Variants in CLASP2 observed in about 807,000 individuals in gnomAD.
CLASP2 encodes CLIP-associating protein 2.
CLASP2 carries 47 observed loss-of-function variants against 194.4 expected under a neutral mutation model. That is an observed-to-expected ratio of 0.24 (90% CI 0.19 to 0.31). CLASP2 has a LOEUF of 0.31. CLASP2 is among the 10% of genes least tolerant of loss of function. The probability of loss-of-function intolerance (pLI) is 1.00; values close to 1 mark genes in which losing one functional copy is unlikely to be tolerated. For missense variants in CLASP2, 1,445 were observed against 1,823.6 expected, an observed-to-expected ratio of 0.79 and a Z score of 3.78; for synonymous variants, 619 against 633.5, an observed-to-expected ratio of 0.98 and a Z score of 0.34.
chr3:33,600,971 T>A (rs1418299446), intron 18 of CLASP2, among the ~76,000 whole-genome samples: 2 of 147,308 alleles, frequency 1.4e-5, no homozygotes, highest in Non-Finnish European at 3.0e-5. Context: ...TTTTTTTTTT[T>A]TTTTTGAGGC....
At chr3:33,549,372 C>T (rs2059641363) in intron 30 of CLASP2, among the ~76,000 whole-genome samples, 1 of 152,164 alleles carries the variant, frequency 6.6e-6, no homozygotes, top group Admixed American at 6.5e-5. Context: ...ATAAATTTCC[C>T]TAGAAGCATT....
At chr3:33,607,198 T>C (rs933107398) in intron 15 of CLASP2, among the ~76,000 whole-genome samples, 186 bp downstream of exon 15, 2 of 152,224 alleles carry the variant, frequency 1.3e-5, no homozygotes, top group African/African-American at 2.4e-5. Flanking sequence ...GATGATTACA[T>C]GTCAGTGGCA....
At chr3:33,661,809 T>C (rs1398299291) in intron 7 of CLASP2, among the ~76,000 whole-genome samples, 2 of 152,136 alleles carry the variant, frequency 1.3e-5, no homozygotes, top group Non-Finnish European at 2.9e-5. Flanking sequence ...TTGAGTGGGG[T>C]TGGATCACTA....
At chr3:33,619,542 A>G in intron 12 of CLASP2, 61 bp downstream of exon 12, 4 of 1,433,778 alleles carry the variant, frequency 2.8e-6, no homozygotes, top group Non-Finnish European at 3.7e-6. Flanking sequence ...AAAAAGGGGG[A>G]GGAAGAAGAA....
intron 6 of CLASP2, among the ~76,000 whole-genome samples, chr3:33,669,113 G>A (rs1209450534): frequency 6.6e-6 from 1 of 152,146 alleles, no homozygotes; most frequent in Non-Finnish European, 1.5e-5. Flanking sequence ...TTTGAGCATA[G>A]ATGCAAAAAT....
chr3:33,501,233 G>T (rs1342877169), intron 38 of CLASP2, among the ~76,000 whole-genome samples: 1 of 152,010 alleles, frequency 6.6e-6, no homozygotes, highest in Non-Finnish European at 1.5e-5. Flanking sequence ...GTTCTTAAGG[G>T]GAAAAATTTT....
chr3:33,519,104 CATTAAT>C (rs1330921104), intron 34 of CLASP2, among the ~76,000 whole-genome samples: 1 of 152,134 alleles, frequency 6.6e-6, no homozygotes, highest in Non-Finnish European at 1.5e-5. Flanking sequence ...ACAGTAAGAT[CATTAAT>C]ATTAATTTTC....
At chr3:33,547,487 G>A (rs958819782) in intron 30 of CLASP2, among the ~76,000 whole-genome samples, 3 of 152,164 alleles carry the variant, frequency 2.0e-5, no homozygotes, top group African/African-American at 7.2e-5. Flanking sequence ...AACTAATACA[G>A]TCATGGTATA....
chr3:33,627,212 T>C (rs934406422), intron 9 of CLASP2, 132 bp from the exon 10 acceptor site: 26 of 680,098 alleles, frequency 3.8e-5, no homozygotes, highest in East Asian at 2.7e-4. Context: ...TAATGGAGAA[T>C]AGAAATACAT....
intron 34 of CLASP2, among the ~76,000 whole-genome samples, chr3:33,521,983 T>C (rs1046851646): frequency 6.7e-6 from 1 of 150,312 alleles, no homozygotes; most frequent in Non-Finnish European, 1.5e-5. Context: ...AAGAACCTTA[T>C]CCTGCGGATA....
intron 29 of CLASP2, among the ~76,000 whole-genome samples, chr3:33,552,228 C>T (rs1042918635): frequency 6.6e-6 from 1 of 151,450 alleles, no homozygotes; most frequent in Non-Finnish European, 1.5e-5. Context: ...AAACGGCTCT[C>T]CTGCCTCAGC....
At chr3:33,635,419 G>A (rs937115074) in intron 8 of CLASP2, among the ~76,000 whole-genome samples, 1 of 152,090 alleles carries the variant, frequency 6.6e-6, no homozygotes, top group Non-Finnish European at 1.5e-5. Context: ...CTTGTCAAGC[G>A]GATTCTAAAA....
intron 6 of CLASP2, among the ~76,000 whole-genome samples, chr3:33,681,976 G>C (rs1004022475): frequency 6.6e-6 from 1 of 152,178 alleles, no homozygotes; most frequent in Non-Finnish European, 1.5e-5. Flanking sequence ...CTTCCTCTCT[G>C]GCCAGGTGAT....
chr3:33,545,216 C>G (rs2154150017), intron 30 of CLASP2: 1 of 154,548 alleles, frequency 6.5e-6, no homozygotes, highest in Non-Finnish European at 1.4e-5. Flanking sequence ...CTAAACAACT[C>G]TACAATTTGA....
intron 35 of CLASP2, among the ~76,000 whole-genome samples, chr3:33,516,426 G>C (rs1206928073): frequency 1.3e-5 from 2 of 152,214 alleles, no homozygotes; most frequent in East Asian, 3.9e-4. Flanking sequence ...CCAGCTCTTT[G>C]GAAGGCTGAG....
In CLASP2 at chr3:33,535,297, A is replaced by T. The variant is rs2057118481; in HGVS notation, c.3723T>A (p.Ser1241Arg). 4 of 1,613,858 alleles carry T rather than the reference A, an allele frequency of 2.5e-6. No individual in the cohort carries two copies. Residue 1241 changes from serine (S) to arginine (R), a missense_variant, in exon 34 of 39, where the codon AGT becomes AGA. This residue lies in a region of CLASP2 where 732 missense variants were observed against 987.9 expected (regional missense o/e 0.74). Coordinates refer to ENST00000682230, the MANE Select transcript of CLASP2 (RefSeq NM_001365631.1). Reference sequence around the variant, plus strand: ...CCTTGAGGGCAGACTTGTTGAAGGGACTGATGCTATCTGAATAGTTATATG... The same window carrying T: ...CCTTGAGGGCAGACTTGTTGAAGGGTCTGATGCTATCTGAATAGTTATATG... Reference protein sequence around the residue: ...YNPYNYSDSISPFNKSALKEA... With the variant: ...YNPYNYSDSIRPFNKSALKEA...
chr3:33,600,220 T>C (rs1402256516), intron 18 of CLASP2, among the ~76,000 whole-genome samples: 2 of 152,112 alleles, frequency 1.3e-5, no homozygotes, highest in African/African-American at 4.8e-5. Context: ...TTGCCCTGTC[T>C]AGCACCTCCA....
chr3:33,676,477 T>C (rs71325160), intron 6 of CLASP2, among the ~76,000 whole-genome samples: 37,853 of 147,738 alleles, frequency 0.26, 5,455 homozygotes, highest in Admixed American at 0.37. Flanking sequence ...TAATAAACGG[T>C]GCTGGGAAAA....
intron 7 of CLASP2, among the ~76,000 whole-genome samples, chr3:33,662,747 G>C (rs757194362): frequency 6.6e-6 from 1 of 152,068 alleles, no homozygotes; most frequent in African/African-American, 2.4e-5. Flanking sequence ...AGGTGGAAAA[G>C]CAACCTATAT....
Sources: allele counts gnomAD v4.1 joint callset (sites outside exome capture counted in the v4.1 genomes callset), GRCh38; gene constraint gnomAD v4.1.1; regional missense constraint gnomAD v4.1.1; transcripts MANE v1.5; gene names NCBI Gene and HGNC (gene_info 2026-07-23, HGNC 2026-07-21).